MS4A10: variants seen among roughly 807,000 people sequenced by gnomAD.
MS4A10 encodes the protein membrane spanning 4-domains A10.
In MS4A10, 27 loss-of-function variants were observed where a neutral mutation model predicts 27.7. The observed-to-expected ratio is 0.98, with a 90% CI of 0.72 to 1.35. MS4A10 has a LOEUF of 1.35. Among genes scored for constraint, MS4A10 ranks in the 40% most tolerant of loss-of-function variants. The pLI is 0.00. For synonymous variants in MS4A10, 139 were observed against 131.2 expected, an observed-to-expected ratio of 1.06 and a Z score of -0.41; for missense variants, 338 against 324.7, an observed-to-expected ratio of 1.04 and a Z score of -0.32.
At chr11:60,790,901 C>T (rs1419132616) in intron 2 of MS4A10, 73 bp from the exon 3 acceptor site, 12 of 1,588,122 alleles carry the variant, frequency 7.6e-6, no homozygotes, top group East Asian at 2.2e-5. Context: ...CCAGTAGGTC[C>T]AGGGCACTAG....
rs372703293 is a variant in MS4A10 at position 60,798,426 on chromosome 11, C to T, written c.634C>T (p.Pro212Ser). Residue 212 changes from proline to serine, a missense_variant, in exon 7 of 8, where the codon CCA becomes TCA. By Grantham distance (74) the Pro-to-Ser change is moderately conservative. Coordinates refer to ENST00000308287, the MANE Select transcript of MS4A10 (RefSeq NM_206893.4). ...TGATGCATGCCTTGTTCCGAATACA[C>T]CATTGCATCTCAAAGGCCTGCCGGT... ...NDDACLVPNT[P>S]LHLKGLPVEP... 4 of 1,613,982 alleles carry T rather than the reference C, an allele frequency of 2.5e-6. No individual in the cohort carries two copies. The highest frequency in any genetic ancestry group is 1.7e-5 in the Admixed American group (1 of 59,992).
At chr11:60,793,699 T>A (rs930805766) in intron 4 of MS4A10, among the ~76,000 whole-genome samples, 3 of 152,180 alleles carry the variant, frequency 2.0e-5, no homozygotes, top group Non-Finnish European at 4.4e-5. Context: ...ATTGCAAAGC[T>A]CTTGGATCTG....
rs149180169 is a variant in MS4A10, at chr11:60,794,058, G to C, written c.447G>C (p.Glu149Asp). 7.4e-6 allele frequency: 12 copies of C among 1,614,070 alleles called. No homozygotes were observed. In the African/African-American group the frequency reaches 1.5e-4, roughly 20 times the overall value. ...LFVISKDLFLESPFESPIWRM... is the reference protein window; with the variant it reads ...LFVISKDLFLDSPFESPIWRM... ...TCATCTCCAAGGATCTCTTTCTGGA[G>C]AGCCCATTTGAGTCCCCGATCTGGA... The change falls in exon 5 of 8, where the codon GAG (glutamate) becomes GAC (aspartate). Residue 149 changes from glutamate to aspartate, a missense_variant. Glu to Asp is a conservative substitution (Grantham distance 45). Transcript: ENST00000308287.
Position 60,788,891 on chromosome 11 carries a change from T to C in MS4A10, c.-22-1423T>C, listed in dbSNP as rs568508622. ...CCATGGCCAAGGCAGGCAACCTCTC[T>C]GAACCTTGGTTTCCTCTTCTATGCA... On this transcript the variant is annotated intron_variant, in intron 1 of 7. Transcript: ENST00000308287. 8.5e-5 allele frequency among the ~76,000 whole-genome samples: 13 copies of C among 152,362 alleles called. No homozygotes were observed. In the East Asian group the frequency reaches 1.7e-3, roughly 20 times the overall value.
intron 4 of MS4A10, among the ~76,000 whole-genome samples, chr11:60,793,401 C>A (rs1854463649): frequency 1.3e-5 from 2 of 152,204 alleles, no homozygotes; most frequent in Admixed American, 1.3e-4. Context: ...TGTGCATAGT[C>A]TTTCCTCACT....
At chr11:60,797,640 C>A (rs752148088) in intron 6 of MS4A10, among the ~76,000 whole-genome samples, 1 of 152,176 alleles carries the variant, frequency 6.6e-6, no homozygotes, top group Non-Finnish European at 1.5e-5. Context: ...CCAGGAGAAT[C>A]TCCCAATCTC....
At chr11:60,795,764 G>T in intron 6 of MS4A10, 99 bp downstream of exon 6, 1 of 673,408 alleles carries the variant, frequency 1.5e-6, no homozygotes, top group Non-Finnish European at 2.2e-6. Flanking sequence ...CAAGAGGAGC[G>T]TGTTTCATTC....
rs1192317159 is a variant in MS4A10 at position 60,790,417 on chromosome 11, T to C, written c.82T>C (p.Trp28Arg). ...GCAAGTCCTCAGCCCAGTCCAGCCC[T>C]GGCAGACAAGTGCACCCCAGAACAC... Reference protein sequence around the residue: ...SWQVLSPVQPWQTSAPQNTTQ... With the variant: ...SWQVLSPVQPRQTSAPQNTTQ... Residue 28 changes from tryptophan (W) to arginine (R), a missense_variant, in exon 2 of 8, where the codon TGG becomes CGG. Physicochemically the swap from Trp to Arg is moderately radical, Grantham distance 101. Transcript: ENST00000308287. 1 of 1,614,166 alleles carries C rather than the reference T, an allele frequency of 6.2e-7. No individual in the cohort carries two copies. The highest frequency in any genetic ancestry group is 1.1e-5 in the South Asian group (1 of 91,078).
intron 7 of MS4A10, among the ~76,000 whole-genome samples, chr11:60,799,460 T>A (rs937689902): frequency 4.6e-5 from 7 of 152,252 alleles, no homozygotes; most frequent in African/African-American, 1.7e-4. Context: ...ATATAGGAAA[T>A]CAGTATCTTT....
chr11:60,794,045 A>G lies in MS4A10; in HGVS notation c.434A>G (p.Asp145Gly), dbSNP rs1854480074. The part of the protein sequence containing the change: ...VLSGLFVISK[D>G]LFLESPFESP... ...TCTGGCCTCTTCGTCATCTCCAAGG[A>G]TCTCTTTCTGGAGAGCCCATTTGAG... Residue 145 changes from aspartate (D) to glycine (G), a missense_variant, in exon 5 of 8, where the codon GAT becomes GGT. Transcript: ENST00000308287. The G allele has an allele frequency of 2.5e-6, 4 of 1,614,054 alleles. No individual in the cohort carries two copies. The highest frequency in any genetic ancestry group is 2.5e-6 in the Non-Finnish European group (3 of 1,180,010).
Position 60,800,237 on chromosome 11 carries a change from G to A in MS4A10, c.*328G>A, listed in dbSNP as rs12577187. On this transcript the variant is annotated 3_prime_UTR_variant, in exon 8 of 8. Coordinates refer to ENST00000308287, the MANE Select transcript of MS4A10 (RefSeq NM_206893.4). ...ACTATCTCAGCTCACTGCAATCTCC[G>A]CCTCCCTGGTTCAAGTGATTCTCCT... 32,816 of 252,970 alleles carry A rather than the reference G, an allele frequency of 0.13. 4,748 individuals carry two copies. The highest frequency in any genetic ancestry group is 0.67 in the East Asian group (8,470 of 12,602). The allele number at this position is 252,970 out of a possible 1,614,324, so 15.7% of individuals were successfully genotyped here. A position where few individuals can be genotyped will look rare whatever the true frequency, so the allele number is the denominator to read the frequency against.
Position 60,799,995 on chromosome 11 carries a change from T to G in MS4A10, c.*86T>G. The G allele has an allele frequency of 6.2e-7, 1 of 1,605,870 alleles. No homozygotes were observed. On this transcript the variant is annotated 3_prime_UTR_variant, in exon 8 of 8. Transcript: ENST00000308287. ...TGCACTTTCACTGGGAAGATGAGAT[T>G]TGCACATACAAAAGGCTAGAGCGAT...
At chr11:60,796,948 T>TA (rs1368125352) in intron 6 of MS4A10, among the ~76,000 whole-genome samples, 4 of 152,208 alleles carry the variant, frequency 2.6e-5, no homozygotes, top group African/African-American at 4.8e-5. Context: ...GAACATTATT[T>TA]AAAAAAGTGC....
At chr11:60,786,880 G>A (rs1029678316) in intron 1 of MS4A10, among the ~76,000 whole-genome samples, 2 of 152,228 alleles carry the variant, frequency 1.3e-5, no homozygotes, top group African/African-American at 4.8e-5. Flanking sequence ...CCATGAGAAG[G>A]TGAGGGGAGA....
At chr11:60,790,187 G>C (rs1020589530) in intron 1 of MS4A10, 127 bp from the exon 2 acceptor site, 1 of 757,866 alleles carries the variant, frequency 1.3e-6, no homozygotes, top group African/African-American at 1.7e-5. Flanking sequence ...ACCAGGGGCT[G>C]CCAGACAGGG....
At chr11:60,792,380 G>A (rs1854445870) in intron 4 of MS4A10, 59 bp downstream of exon 4, 3 of 1,315,170 alleles carry the variant, frequency 2.3e-6, no homozygotes, top group Non-Finnish European at 2.2e-6. Context: ...CTTTGTTAAG[G>A]GCATCTGTCT....
chr11:60,787,121 G>A (rs1236632253), intron 1 of MS4A10, among the ~76,000 whole-genome samples: 4 of 152,126 alleles, frequency 2.6e-5, no homozygotes, highest in African/African-American at 9.7e-5. Flanking sequence ...CAGGCATCCC[G>A]TGGCCCTGTG....
In MS4A10 at chr11:60,796,450, T is replaced by C. The variant is rs374262692; in HGVS notation, c.603+785T>C. ...GGCATGTGCCACCATACCTGGCTAA[T>C]TTTTGTATTTTTTTAAGTATAGATG... On this transcript the variant is annotated intron_variant, in intron 6 of 7. Coordinates refer to ENST00000308287, the MANE Select transcript of MS4A10 (RefSeq NM_206893.4). 2.0e-5 allele frequency among the ~76,000 whole-genome samples: 3 copies of C among 152,078 alleles called. No homozygotes were observed. The East Asian group carries it at 5.8e-4, about 29-fold the overall frequency.
intron 5 of MS4A10, among the ~76,000 whole-genome samples, chr11:60,795,226 C>A (rs1854505006): frequency 6.6e-6 from 1 of 152,226 alleles, no homozygotes; most frequent in African/African-American, 2.4e-5. Flanking sequence ...TAGGTACCCC[C>A]ATCTGTCAAA....
Sources: gnomAD v4.1 joint callset for allele counts (sites outside exome capture counted in the v4.1 genomes callset) on GRCh38, gnomAD v4.1.1 for gene constraint, MANE v1.5 for transcripts, NCBI Gene and HGNC (gene_info 2026-07-23, HGNC 2026-07-21) for gene names.